Variants in KHDC4 observed in about 807,000 individuals in gnomAD.
KHDC4 encodes KH homology domain-containing protein 4.
Under a neutral mutation model 74.5 loss-of-function variants are expected in KHDC4, and 19 were observed. That is an observed-to-expected ratio of 0.26 (90% CI 0.18 to 0.37). The LOEUF (loss-of-function observed/expected upper bound fraction) is 0.37. Among genes scored for constraint, KHDC4 ranks in the 10% least tolerant of loss-of-function variants. KHDC4 has a pLI of 1.00. For synonymous variants in KHDC4, 253 were observed against 266.1 expected (o/e 0.95, Z 0.48); for missense variants, 632 against 754.1 (o/e 0.84, Z 1.90).
intron 10 of KHDC4, 92 bp downstream of exon 10, chr1:155,921,283 A>T: frequency 7.0e-7 from 1 of 1,427,880 alleles, no homozygotes; most frequent in Non-Finnish European, 9.7e-7. Context: ...ATTCCACATC[A>T]CATGATTTAT....
intron 8 of KHDC4, among the ~76,000 whole-genome samples, chr1:155,922,710 A>G (rs1673893315): frequency 6.6e-6 from 1 of 152,202 alleles, no homozygotes; most frequent in Non-Finnish European, 1.5e-5. Flanking sequence ...CTTCCTATAT[A>G]TTATTAAGTC....
chr1:155,929,323 G>C lies in KHDC4; in HGVS notation c.437C>G (p.Thr146Ser). 1 of 1,613,884 alleles carries C rather than the reference G, an allele frequency of 6.2e-7. No individual in the cohort carries two copies. ...AVSTRGRFMT[T>S]EEKAKVGPGD... The stretch of plus-strand genomic sequence containing the variant: ...TGGTCCCACTTTGGCTTTTTCCTCA[G>C]TTGTCATGAACCTCCCTCGAGTTGA... Residue 146 changes from threonine (T) to serine (S), a missense_variant, in exon 4 of 14, where the codon ACT becomes AGT. By Grantham distance (58) the Thr-to-Ser change is moderately conservative. Coordinates refer to ENST00000368321, the MANE Select transcript of KHDC4 (RefSeq NM_014949.4).
chr1:155,933,734 G>A lies in KHDC4; in HGVS notation c.154C>T (p.Pro52Ser). Residue 52 changes from proline (P) to serine (S), a missense_variant, in exon 2 of 14, where the codon CCT becomes TCT. By Grantham distance (74) the Pro-to-Ser change is moderately conservative. Coordinates refer to ENST00000368321, the MANE Select transcript of KHDC4 (RefSeq NM_014949.4). The stretch of plus-strand genomic sequence containing the variant: ...GCAGCAGCATCCAAGGCTCCTGAAG[G>A]AGCAGCTGTGGTGCCCCCAGGACTT... ...GGSPGGTTAA[P>S]SGALDAAAAV... 1 of 1,609,540 alleles carries A rather than the reference G, an allele frequency of 6.2e-7. No individual in the cohort carries two copies. Among genetic ancestry groups the A allele is most frequent in the Non-Finnish European group, 8.5e-7 (1 of 1,177,396 alleles).
intron 1 of KHDC4, among the ~76,000 whole-genome samples, 200 bp downstream of exon 1, chr1:155,934,136 A>G (rs1285742208): frequency 6.6e-6 from 1 of 151,948 alleles, no homozygotes; most frequent in Non-Finnish European, 1.5e-5. Context: ...CGCCCTTCCA[A>G]AAGTCCCCGT....
At chr1:155,914,974 ACT>A (rs1288353084) in intron 13 of KHDC4, 7 of 151,996 alleles carry the variant, frequency 4.6e-5, no homozygotes, top group Admixed American at 2.6e-4. Context: ...AAGTCGACTA[ACT>A]CTTTTCTAGA....
chr1:155,927,828 AAAACCACACACACACAC>A (rs1557970641), intron 4 of KHDC4, among the ~76,000 whole-genome samples: 1 of 58,168 alleles, frequency 1.7e-5, no homozygotes, highest in African/African-American at 5.9e-5. Flanking sequence ...AAAAAAAAAA[AAAACCACACACACACAC>A]ACACACACAC....
At chr1:155,924,705 C>G (rs1457021952) in intron 7 of KHDC4, among the ~76,000 whole-genome samples, 1 of 151,290 alleles carries the variant, frequency 6.6e-6, no homozygotes, top group Non-Finnish European at 1.5e-5. Context: ...TGCTGAATAG[C>G]TGGGATTATA....
intron 2 of KHDC4, among the ~76,000 whole-genome samples, chr1:155,931,388 G>A (rs1674139541): frequency 6.6e-6 from 1 of 151,990 alleles, no homozygotes; most frequent in Non-Finnish European, 1.5e-5. Context: ...AGCACTTTGG[G>A]AGGCTGAAGC....
intron 2 of KHDC4, among the ~76,000 whole-genome samples, chr1:155,930,463 G>C (rs1674117859): frequency 6.6e-6 from 1 of 152,146 alleles, no homozygotes. Flanking sequence ...AATTACAGAA[G>C]CTCTAGGGAC....
chr1:155,914,553 G>A (rs1384631168), intron 13 of KHDC4: 49 of 386,262 alleles, frequency 1.3e-4, no homozygotes, highest in Admixed American at 9.0e-5. Flanking sequence ...AAAGAAAAAA[G>A]AAACACAAAA....
rs554170967 is a variant in KHDC4, at chr1:155,921,055, G to C, written c.1266+320C>G. Among the ~76,000 whole-genome samples, 17 of 152,316 alleles carry C rather than the reference G, an allele frequency of 1.1e-4. 1 individual carries two copies. In the South Asian group the frequency reaches 3.3e-3, roughly 30 times the overall value. On this transcript the variant is annotated intron_variant, in intron 10 of 13. Transcript: ENST00000368321. ...TGCTTCTGCACTACAACCACCGAGT[G>C]TGATAGTTGTGACAGAGAATGTATG...
Position 155,927,147 on chromosome 1 carries a change from T to C in KHDC4, c.474A>G (p.Pro158=). 6.2e-7 allele frequency: 1 copy of C among 1,613,784 alleles called. No homozygotes were observed. The highest frequency in any genetic ancestry group is 8.5e-7 in the Non-Finnish European group (1 of 1,179,702). Residue 158 remains proline (P), a synonymous_variant, in exon 5 of 14, where the codon CCA becomes CCG. Coordinates refer to ENST00000368321, the MANE Select transcript of KHDC4 (RefSeq NM_014949.4). ...TCTGGCCCTGAACATGAAGATATAA[T>C]GGACGATCCCTATAAAGAGAAACAA... ...EKAKVGPGDR[P]LYLHVQGQTR... is the part of the protein sequence containing the mutation.
chr1:155,929,246 C>T (rs767130590), intron 4 of KHDC4, 50 bp downstream of exon 4: 6 of 1,282,450 alleles, frequency 4.7e-6, no homozygotes, highest in Admixed American at 1.7e-5. Flanking sequence ...ATGAGGCTAA[C>T]GTGAGTCATA....
At position 155,921,456 on chromosome 1, in the gene KHDC4, C is replaced by T; in HGVS notation, c.1185G>A (p.Leu395=). 1.2e-6 allele frequency: 2 copies of T among 1,614,092 alleles called. No individual in the cohort carries two copies. Among genetic ancestry groups the T allele is most frequent in the Non-Finnish European group, 1.7e-6 (2 of 1,180,012 alleles). The change falls in exon 10 of 14, where the codon TTG becomes TTA. Residue 395 remains leucine (L), a synonymous_variant. Transcript: ENST00000368321. The part of the protein sequence containing the change: ...PPAVSLAPGV[L]PALPTGVPPV... ...GTGGGACTCCAGTAGGTAATGCCGG[C>T]AAGACTCCAGGTGCTAATGAAACAG...
chr1:155,921,780 GCA>G (rs765460726), intron 9 of KHDC4, 79 bp downstream of exon 9: 301 of 1,393,048 alleles, frequency 2.2e-4, no homozygotes, highest in Non-Finnish European at 2.8e-4. Flanking sequence ...TAGTGCCCTG[GCA>G]CAGTCTAGCC....
At chr1:155,924,631 T>A (rs113498767) in intron 7 of KHDC4, among the ~76,000 whole-genome samples, 8,707 of 149,770 alleles carry the variant, frequency 0.058, 332 homozygotes, top group Middle Eastern at 0.11. Flanking sequence ...TGGAGTGCAA[T>A]GGAGCAGTCT....
intron 4 of KHDC4, 41 bp downstream of exon 4, chr1:155,929,255 T>C (rs1472824356): frequency 5.0e-6 from 7 of 1,412,958 alleles, no homozygotes; most frequent in Non-Finnish European, 7.0e-6. Flanking sequence ...ACGTGAGTCA[T>C]ACACCCAACC....
At position 155,929,369 on chromosome 1, in the gene KHDC4, G is replaced by C; in HGVS notation, c.391C>G (p.Arg131Gly). Reference protein sequence around the residue: ...TRGQTQDEISRLSGAAVSTRG... With the variant: ...TRGQTQDEISGLSGAAVSTRG... ...GTTGATACTGCAGCCCCACTAAGTC[G>C]GCTGATCTAAAAAAGGAAATGTTCA... is the stretch of plus-strand genomic sequence containing the variant. The change falls in exon 4 of 14, where the codon CGA (arginine) becomes GGA (glycine). Residue 131 changes from arginine to glycine, a missense_variant. Physicochemically the swap from Arg to Gly is moderately radical, Grantham distance 125. Transcript: ENST00000368321. 1 of 1,612,484 alleles carries C rather than the reference G, an allele frequency of 6.2e-7. No individual in the cohort carries two copies. Among genetic ancestry groups the C allele is most frequent in the Non-Finnish European group, 8.5e-7 (1 of 1,179,344 alleles).
chr1:155,915,581 C>T (rs1673714041), intron 13 of KHDC4: 2 of 386,450 alleles, frequency 5.2e-6, no homozygotes, highest in East Asian at 8.2e-5. Flanking sequence ...GATCTTGGCT[C>T]ACTGCAACCT....
Sources: allele counts gnomAD v4.1 joint callset (sites outside exome capture counted in the v4.1 genomes callset), GRCh38; gene constraint gnomAD v4.1.1; transcripts MANE v1.5; gene names NCBI Gene and HGNC (gene_info 2026-07-23, HGNC 2026-07-21).